The following TBC1D31 variants were observed in gnomAD, a reference collection of about 807,000 sequenced individuals.
TBC1D31 encodes the protein TBC1 domain family member 31.
A neutral mutation model predicts 132.9 loss-of-function variants in TBC1D31; 99 were observed. The ratio of observed to expected loss-of-function variants is 0.74; its 90% CI spans 0.63 to 0.88. The LOEUF (loss-of-function observed/expected upper bound fraction) is 0.88, where lower values mean the gene tolerates loss of function less well. Among genes scored for constraint, TBC1D31 ranks in the 40% least tolerant of loss-of-function variants. The probability of loss-of-function intolerance (pLI) is 0.00; values close to 1 mark genes in which losing one functional copy is unlikely to be tolerated. For missense variants in TBC1D31, 1,134 were observed against 1,256.6 expected (o/e 0.90, Z 1.48); for synonymous variants, 385 against 419.4 (o/e 0.92, Z 1.00).
chr8:123,090,706 G>T (rs1349554979), intron 4 of TBC1D31, among the ~76,000 whole-genome samples: 3 of 152,260 alleles, frequency 2.0e-5, no homozygotes, highest in African/African-American at 4.8e-5. Flanking sequence ...GCCAAGGCAG[G>T]CGGATCACTT....
At position 123,081,714 on chromosome 8, in the gene TBC1D31, C is replaced by G. The variant is rs112652412; in HGVS notation, c.225-988C>G. On this transcript the variant is annotated intron_variant, in intron 2 of 21. Coordinates refer to ENST00000287380, the MANE Select transcript of TBC1D31 (RefSeq NM_145647.4). ...GGGAGGCCTCACAATCATGGCAGAA[C>G]GCAAAGGTACTTCTTACGTAGTGGT... 1.6e-3 allele frequency among the ~76,000 whole-genome samples: 244 copies of G among 152,196 alleles called. 1 individual carries two copies. The highest frequency in any genetic ancestry group is 1.0e-3 in the Non-Finnish European group (68 of 68,026).
chr8:123,095,264 A>G (rs1368039970), intron 5 of TBC1D31, among the ~76,000 whole-genome samples: 2 of 152,344 alleles, frequency 1.3e-5, no homozygotes, highest in South Asian at 4.1e-4. Flanking sequence ...TTGTGACGTC[A>G]GTAGCCATTA....
intron 17 of TBC1D31, among the ~76,000 whole-genome samples, chr8:123,137,257 TCTC>T (rs1289616718): frequency 7.2e-5 from 11 of 152,296 alleles, no homozygotes; most frequent in African/African-American, 2.6e-4. Flanking sequence ...GTATGTACCT[TCTC>T]CTTCGGATAA....
At chr8:123,111,328 T>C (rs1357020647) in intron 10 of TBC1D31, among the ~76,000 whole-genome samples, 2 of 152,180 alleles carry the variant, frequency 1.3e-5, no homozygotes, top group Non-Finnish European at 2.9e-5. Context: ...AAAGAAAAAG[T>C]TCTTAGGATC....
At chr8:123,104,759 G>A (rs1381269552) in intron 7 of TBC1D31, among the ~76,000 whole-genome samples, 1 of 152,248 alleles carries the variant, frequency 6.6e-6, no homozygotes, top group Non-Finnish European at 1.5e-5. Flanking sequence ...TTAAGCTGTT[G>A]ATACAATAAG....
At chr8:123,088,717 C>T (rs192314192) in intron 4 of TBC1D31, among the ~76,000 whole-genome samples, 7 of 152,214 alleles carry the variant, frequency 4.6e-5, no homozygotes, top group East Asian at 3.9e-4. Context: ...ATTGCACATG[C>T]GACCCTTCAG....
chr8:123,095,171 G>A (rs1441656090), intron 5 of TBC1D31, among the ~76,000 whole-genome samples: 3 of 152,092 alleles, frequency 2.0e-5, no homozygotes, highest in African/African-American at 7.2e-5. Context: ...CTAAAAACTG[G>A]AGGCTTGATC....
chr8:123,113,435 A>G (rs781237748), intron 10 of TBC1D31, among the ~76,000 whole-genome samples: 2 of 152,070 alleles, frequency 1.3e-5, no homozygotes, highest in East Asian at 3.9e-4. Context: ...GTGAGGTAAC[A>G]CTTTTAATAT....
the TBC1D31 span, among the ~76,000 whole-genome samples, chr8:123,157,919 ACTTT>A: frequency 2.0e-5 from 3 of 151,666 alleles, no homozygotes; most frequent in Non-Finnish European, 2.9e-5. Context: ...TGACTGCAAG[ACTTT>A]CTGACTGCAA....
In TBC1D31 at chr8:123,103,631, C is replaced by T. The variant is rs546383773; in HGVS notation, c.1033-1657C>T. 14 of 152,340 alleles carry T rather than the reference C, an allele frequency of 9.2e-5. No individual in the cohort carries two copies. The East Asian group carries it at 2.7e-3, about 30-fold the overall frequency. The allele number at this position is 152,340 out of a possible 1,614,324, so 9.4% of individuals were successfully genotyped here. The stretch of plus-strand genomic sequence containing the variant: ...AGAGATGGTGTTTCACCATGTTGGC[C>T]AGGCTGCTCTTGAACTCCTGACCTT... On this transcript the variant is annotated intron_variant, in intron 7 of 21. Transcript: ENST00000287380.
At chr8:123,161,545 T>G in the TBC1D31 span, among the ~76,000 whole-genome samples, 6 of 152,260 alleles carry the variant, frequency 3.9e-5, no homozygotes, top group South Asian at 1.2e-3. Context: ...AGTTTCCAAA[T>G]CCTTTTCCTC....
At chr8:123,082,494 T>C in intron 2 of TBC1D31, 1 of 498,742 alleles carries the variant, frequency 2.0e-6, no homozygotes, top group Non-Finnish European at 3.5e-6. Context: ...ATTGTGATTC[T>C]GCTGTGCTAA....
intron 10 of TBC1D31, among the ~76,000 whole-genome samples, chr8:123,115,929 GGGA>G: frequency 6.6e-6 from 1 of 152,164 alleles, no homozygotes; most frequent in South Asian, 2.1e-4. Flanking sequence ...ATGGATTACA[GGGA>G]TTAGAGCATG....
At chr8:123,161,812 T>C in the TBC1D31 span, among the ~76,000 whole-genome samples, 1,754 of 151,440 alleles carry the variant, frequency 0.012, 17 homozygotes, top group Non-Finnish European at 0.017. Flanking sequence ...AGGTCAGAAG[T>C]TTGAGACCAG....
downstream of TBC1D31, among the ~76,000 whole-genome samples, chr8:123,153,331 A>G (rs1822904379): frequency 1.3e-5 from 2 of 152,248 alleles, no homozygotes; most frequent in African/African-American, 4.8e-5. Flanking sequence ...GTCCTCTTTG[A>G]CTAGGATTTA....
At chr8:123,101,362 A>G (rs1817398487) in intron 7 of TBC1D31, among the ~76,000 whole-genome samples, 1 of 152,138 alleles carries the variant, frequency 6.6e-6, no homozygotes, top group South Asian at 2.1e-4. Flanking sequence ...TTTATTTTCT[A>G]AATCCAGTCA....
chr8:123,092,835 G>A (rs1212424651), intron 4 of TBC1D31, among the ~76,000 whole-genome samples: 3 of 65,732 alleles, frequency 4.6e-5, no homozygotes, highest in South Asian at 7.5e-4. Context: ...TTTTTGAGAC[G>A]AAGGCTCACT....
intron 1 of TBC1D31, chr8:123,073,221 A>C: frequency 2.1e-6 from 1 of 472,476 alleles, no homozygotes; most frequent in South Asian, 1.6e-5. Flanking sequence ...GCAGAACTCC[A>C]GGAGGAGATG....
At chr8:123,130,106 T>C in intron 15 of TBC1D31, 92 bp from the exon 16 acceptor site, 1 of 1,281,042 alleles carries the variant, frequency 7.8e-7, no homozygotes. Flanking sequence ...TCAATTGTAT[T>C]GAAATGATCA....
Sources: gnomAD v4.1 joint callset for allele counts (sites outside exome capture counted in the v4.1 genomes callset) on GRCh38, gnomAD v4.1.1 for gene constraint, MANE v1.5 for transcripts, NCBI Gene and HGNC (gene_info 2026-07-23, HGNC 2026-07-21) for gene names.